Variants in PIEZO2 observed in about 807,000 individuals in gnomAD.
PIEZO2 encodes the protein piezo type mechanosensitive ion channel component 2, also known as piezo-type mechanosensitive ion channel component 2.
PIEZO2 carries 172 observed loss-of-function variants against 337.3 expected under a neutral mutation model. The observed-to-expected ratio is 0.51, with a 90% CI of 0.45 to 0.58. PIEZO2 has a LOEUF of 0.58. Ranked by LOEUF, PIEZO2 falls within the 20% of genes least tolerant of loss-of-function variation. The pLI, the probability that PIEZO2 is intolerant of heterozygous loss-of-function variation, is 0.00. For missense variants in PIEZO2, 3,028 were observed against 3,391.3 expected (o/e 0.89, Z 2.66); for synonymous variants, 1,251 against 1,228.5 (o/e 1.02, Z -0.38).
intron 2 of PIEZO2, among the ~76,000 whole-genome samples, chr18:10,983,038 C>T (rs2145504113): frequency 6.6e-6 from 1 of 152,156 alleles, no homozygotes; most frequent in South Asian, 2.1e-4. Context: ...TAAGTTTAAA[C>T]AAACAGAAAC....
At position 10,903,213 on chromosome 18, in the gene PIEZO2, G is replaced by T. The variant is rs1368246583; in HGVS notation, c.329+7973C>A. The stretch of plus-strand genomic sequence containing the variant: ...TCACACTCACACTGTCCCTATCTTG[G>T]TCGAGACATTATAATCACTCTCCTG... On this transcript the variant is annotated intron_variant, in intron 4 of 55. Coordinates refer to ENST00000674853, the MANE Select transcript of PIEZO2 (RefSeq NM_001378183.1). The surrounding 1 kb of genome is among the most constrained non-coding windows in gnomAD (Gnocchi z 4.1). 6.6e-6 allele frequency among the ~76,000 whole-genome samples: 1 copy of T among 152,118 alleles called. No individual in the cohort carries two copies. Among genetic ancestry groups the T allele is most frequent in the Non-Finnish European group, 1.5e-5 (1 of 68,020 alleles).
rs367896620 is a variant in PIEZO2 at position 10,921,901 on chromosome 18, C to T, written c.287-10673G>A. On this transcript the variant is annotated intron_variant, in intron 3 of 55. Transcript: ENST00000674853. ...TGAAATAAACCCCAGTCTCCCATAG[C>T]GCTCCCAGGCTTATTAGGAAGAGGA... Among the ~76,000 whole-genome samples the T allele has an allele frequency of 1.3e-3, 204 of 152,218 alleles. 1 individual carries two copies. Among genetic ancestry groups the T allele is most frequent in the South Asian group, 0.011 (55 of 4,820 alleles).
Position 10,797,538 on chromosome 18 carries a change from CTTTAT to C in PIEZO2, c.1379-21_1379-17del. ...TCTCGCTTTTCTAGATGGACGAATA[CTTTAT>C]TTAACTATTTATGCAAACATGTGAC... On this transcript the variant is annotated splice_polypyrimidine_tract_variant and intron_variant, in intron 11 of 55. Transcript: ENST00000674853. 6.5e-7 allele frequency: 1 copy of C among 1,535,272 alleles called. No homozygotes were observed. The highest frequency in any genetic ancestry group is 1.7e-4 in the Middle Eastern group (1 of 5,976).
In PIEZO2 at chr18:11,028,660, CTG is replaced by C. The variant is rs1443959696; in HGVS notation, c.160+37465_160+37466del. ...CTAAGTGGAGTTGAGGACAGTAAAACTGTGCAGTATTAGGGATATATGTTTCC... is the reference window on the plus strand; with the variant it reads ...CTAAGTGGAGTTGAGGACAGTAAAACTGCAGTATTAGGGATATATGTTTCC... On this transcript the variant is annotated intron_variant, in intron 2 of 55. Transcript: ENST00000674853. This position sits in a 1 kb window ranked among gnomAD's most constrained non-coding sequence, Gnocchi z 4.8. Among the ~76,000 whole-genome samples the C allele has an allele frequency of 6.6e-6, 1 of 152,170 alleles. No homozygotes were observed. The highest frequency in any genetic ancestry group is 1.5e-5 in the Non-Finnish European group (1 of 68,032).
In PIEZO2 at chr18:10,773,340, C is replaced by G. The variant is rs77903703; in HGVS notation, c.2785+72G>C. 5.8e-3 allele frequency: 8,150 copies of G among 1,415,280 alleles called. 359 individuals carry two copies. The African/African-American group carries it at 0.099, about 17-fold the overall frequency. 87.7% of individuals were successfully genotyped at this position (1,415,280 alleles called of 1,614,324 possible). The stretch of plus-strand genomic sequence containing the variant: ...GGGTCAAATATATATTCTTTTGGAG[C>G]AAGTCAATGTTTCCTTCACTCAGTC... On this transcript the variant is annotated intron_variant, in intron 20 of 55. Coordinates refer to ENST00000674853, the MANE Select transcript of PIEZO2 (RefSeq NM_001378183.1). The surrounding 1 kb of genome is among the most constrained non-coding windows in gnomAD (Gnocchi z 5.3).
Position 10,870,799 on chromosome 18 carries a change from C to T in PIEZO2, c.492+454G>A, listed in dbSNP as rs2042120597. ...ACTTGATCAAAGCATGCCAAGTTAACACCAGTCCACTGAGCAGGACAAGGT... is the reference window on the plus strand; with the variant it reads ...ACTTGATCAAAGCATGCCAAGTTAATACCAGTCCACTGAGCAGGACAAGGT... On this transcript the variant is annotated intron_variant, in intron 5 of 55. Coordinates refer to ENST00000674853, the MANE Select transcript of PIEZO2 (RefSeq NM_001378183.1). This position sits in a 1 kb window ranked among gnomAD's most constrained non-coding sequence, Gnocchi z 5.3. Among the ~76,000 whole-genome samples the T allele has an allele frequency of 6.6e-6, 1 of 152,184 alleles. No homozygotes were observed. The highest frequency in any genetic ancestry group is 1.5e-5 in the Non-Finnish European group (1 of 68,044).
At chr18:10,699,288 A>G (rs902788570) in intron 43 of PIEZO2, 111 bp from the exon 44 acceptor site, 9 of 1,414,870 alleles carry the variant, frequency 6.4e-6, no homozygotes, top group Non-Finnish European at 8.5e-6. Context: ...TAGAAAAGCA[A>G]GATGATATGG....
At chr18:10,990,645 A>G (rs1360278579) in intron 2 of PIEZO2, among the ~76,000 whole-genome samples, 1 of 151,828 alleles carries the variant, frequency 6.6e-6, no homozygotes, top group Non-Finnish European at 1.5e-5. Flanking sequence ...TTACATATTT[A>G]CATAATGCCA....
intron 33 of PIEZO2, chr18:10,740,086 T>G (rs11660315): frequency 0.28 from 34,207 of 120,660 alleles, 4,048 homozygotes; most frequent in Middle Eastern, 0.31. Context: ...GGAGACATCA[T>G]GTAAAGACTG....
intron 2 of PIEZO2, among the ~76,000 whole-genome samples, chr18:11,055,622 T>G (rs2037705288): frequency 6.6e-6 from 1 of 152,150 alleles, no homozygotes; most frequent in African/African-American, 2.4e-5. Context: ...ACTCAGTGAC[T>G]ATTTGTGTAG....
chr18:11,012,368 T>C (rs1471383154), intron 2 of PIEZO2, among the ~76,000 whole-genome samples: 1 of 152,186 alleles, frequency 6.6e-6, no homozygotes, highest in African/African-American at 2.4e-5. Flanking sequence ...TCCAAGCATA[T>C]AGGACACTTA....
In PIEZO2 at chr18:11,070,827, G is replaced by C. The variant is rs1230253404; in HGVS notation, c.65-4605C>G. 2.0e-5 allele frequency among the ~76,000 whole-genome samples: 3 copies of C among 152,220 alleles called. No homozygotes were observed. Among genetic ancestry groups the C allele is most frequent in the Non-Finnish European group, 2.9e-5 (2 of 68,044 alleles). ...CTGGGCCTAAGTGCTCCTGGTCACA[G>C]AAGTGCTGGGCATCAGGGACTAGGG... On this transcript the variant is annotated intron_variant, in intron 1 of 55. Coordinates refer to ENST00000674853, the MANE Select transcript of PIEZO2 (RefSeq NM_001378183.1). The surrounding 1 kb of genome is among the most constrained non-coding windows in gnomAD (Gnocchi z 4.3).
chr18:10,940,052 CTG>C lies in PIEZO2; in HGVS notation c.287-28826_287-28825del, dbSNP rs1046377858. Reference sequence around the variant, plus strand: ...ATGTTAGTTCCTTATTATCTATACTCTGGGGACAGTGAGTTTCCCCTCATCAG... The same window carrying C: ...ATGTTAGTTCCTTATTATCTATACTCGGGACAGTGAGTTTCCCCTCATCAG... On this transcript the variant is annotated intron_variant, in intron 3 of 55. Transcript: ENST00000674853. This position sits in a 1 kb window ranked among gnomAD's most constrained non-coding sequence, Gnocchi z 5.3. Among the ~76,000 whole-genome samples, 5 of 152,180 alleles carry C rather than the reference CTG, an allele frequency of 3.3e-5. No individual in the cohort carries two copies. Among genetic ancestry groups the C allele is most frequent in the Non-Finnish European group, 7.3e-5 (5 of 68,038 alleles).
rs760205524 is a variant in PIEZO2, at chr18:11,131,417, A to C, written c.64+17108T>G. Reference sequence around the variant, plus strand: ...ATGGCCTCATGGGGAGTTCCCTATGATCAGGTGACAGAGGCAGAGAAGACT... The same window carrying C: ...ATGGCCTCATGGGGAGTTCCCTATGCTCAGGTGACAGAGGCAGAGAAGACT... On this transcript the variant is annotated intron_variant, in intron 1 of 55. Coordinates refer to ENST00000674853, the MANE Select transcript of PIEZO2 (RefSeq NM_001378183.1). This position sits in a 1 kb window ranked among gnomAD's most constrained non-coding sequence, Gnocchi z 5.3. Among the ~76,000 whole-genome samples, 3 of 152,124 alleles carry C rather than the reference A, an allele frequency of 2.0e-5. No homozygotes were observed. Among genetic ancestry groups the C allele is most frequent in the Non-Finnish European group, 4.4e-5 (3 of 68,018 alleles).
rs1270704618 is a variant in PIEZO2, at chr18:10,676,486, G to A, written c.8082-1198C>T. On this transcript the variant is annotated intron_variant, in intron 53 of 55. Coordinates refer to ENST00000674853, the MANE Select transcript of PIEZO2 (RefSeq NM_001378183.1). The surrounding 1 kb of genome is among the most constrained non-coding windows in gnomAD (Gnocchi z 5.1). ...TTGGAAGTGGAGTACTTAAGTGGCA[G>A]GATAGTATTTTGAGATATATAATAT... Among the ~76,000 whole-genome samples, 3 of 152,144 alleles carry A rather than the reference G, an allele frequency of 2.0e-5. No individual in the cohort carries two copies. Among genetic ancestry groups the A allele is most frequent in the African/African-American group, 7.2e-5 (3 of 41,416 alleles).
rs1468232428 is a variant in PIEZO2 at position 10,954,244 on chromosome 18, G to C, written c.286+25291C>G. Among the ~76,000 whole-genome samples the C allele has an allele frequency of 6.6e-6, 1 of 152,106 alleles. No individual in the cohort carries two copies. The highest frequency in any genetic ancestry group is 6.5e-5 in the Admixed American group (1 of 15,268). The stretch of plus-strand genomic sequence containing the variant: ...CTGCTGGGATTCTGACTAGAATTGT[G>C]TTGAACCTATAGATCAGTTTAGAGA... On this transcript the variant is annotated intron_variant, in intron 3 of 55. Transcript: ENST00000674853. The surrounding 1 kb of genome is among the most constrained non-coding windows in gnomAD (Gnocchi z 4.2).
rs1392152366 is a variant in PIEZO2 at position 10,904,919 on chromosome 18, T to G, written c.329+6267A>C. ...CAGCATAGTGTAAGTATTTGATAAATCACACTTCCATTCCTGTGATGTTTA... is the reference window on the plus strand; with the variant it reads ...CAGCATAGTGTAAGTATTTGATAAAGCACACTTCCATTCCTGTGATGTTTA... On this transcript the variant is annotated intron_variant, in intron 4 of 55. Transcript: ENST00000674853. Among the ~76,000 whole-genome samples, 5 of 152,180 alleles carry G rather than the reference T, an allele frequency of 3.3e-5. No individual in the cohort carries two copies. In the East Asian group the frequency reaches 9.6e-4, roughly 29 times the overall value.
Position 11,104,024 on chromosome 18 carries a change from C to T in PIEZO2, c.65-37802G>A, listed in dbSNP as rs1289000176. Among the ~76,000 whole-genome samples the T allele has an allele frequency of 6.6e-6, 1 of 152,116 alleles. No homozygotes were observed. Among genetic ancestry groups the T allele is most frequent in the Non-Finnish European group, 1.5e-5 (1 of 68,026 alleles). On this transcript the variant is annotated intron_variant, in intron 1 of 55. Transcript: ENST00000674853. The surrounding 1 kb of genome is among the most constrained non-coding windows in gnomAD (Gnocchi z 4.6). ...ATATTTTTAATTCACTTTCAAAACA[C>T]GTGGATCACTGAAAGTTACTGGTTT... is the stretch of plus-strand genomic sequence containing the variant.
intron 2 of PIEZO2, among the ~76,000 whole-genome samples, chr18:11,036,489 T>A (rs2036927707): frequency 6.6e-6 from 1 of 152,162 alleles, no homozygotes; most frequent in African/African-American, 2.4e-5. Flanking sequence ...TATATCTTTA[T>A]TCGTATGCTG....
Sources: allele counts gnomAD v4.1 joint callset (sites outside exome capture counted in the v4.1 genomes callset), GRCh38; gene constraint gnomAD v4.1.1; non-coding constraint Gnocchi (gnomAD v3.1); transcripts MANE v1.5; gene names NCBI Gene and HGNC (gene_info 2026-07-23, HGNC 2026-07-21).